The following CDH8 variants were observed in gnomAD, a reference collection of about 807,000 sequenced individuals.
CDH8 encodes the protein cadherin 8, also known as cadherin-8.
Under a neutral mutation model 68.1 loss-of-function variants are expected in CDH8, and 17 were observed. The ratio of observed to expected loss-of-function variants is 0.25; its 90% CI spans 0.17 to 0.37. The LOEUF is 0.37. Ranked by LOEUF, CDH8 falls within the 10% of genes least tolerant of loss-of-function variation. The pLI, the probability that CDH8 is intolerant of heterozygous loss-of-function variation, is 1.00. For missense variants in CDH8, 763 were observed against 999.3 expected (o/e 0.76, Z 3.19); for synonymous variants, 372 against 365.1 (o/e 1.02, Z -0.21).
intron 2 of CDH8, among the ~76,000 whole-genome samples, chr16:61,990,218 A>G (rs915643763): frequency 8.6e-5 from 13 of 151,734 alleles, no homozygotes; most frequent in African/African-American, 3.1e-4. Flanking sequence ...AACAGATTAG[A>G]GAAAGGGCCT....
chr16:61,964,585 C>T (rs890645414), intron 2 of CDH8, among the ~76,000 whole-genome samples: 4 of 151,838 alleles, frequency 2.6e-5, no homozygotes, highest in Non-Finnish European at 2.9e-5. Flanking sequence ...CAGGTTATTC[C>T]GGGACCTGCT....
chr16:61,808,843 C>T (rs1183091925), intron 7 of CDH8, among the ~76,000 whole-genome samples: 1 of 152,094 alleles, frequency 6.6e-6, no homozygotes, highest in Non-Finnish European at 1.5e-5. Context: ...ACAACAATTT[C>T]AACTCTGCAG....
intron 3 of CDH8, among the ~76,000 whole-genome samples, chr16:61,876,422 G>T (rs1013723500): frequency 3.3e-5 from 5 of 152,010 alleles, no homozygotes; most frequent in Admixed American, 2.6e-4. Context: ...TCTGGTTCTT[G>T]AAGTCAACTT....
chr16:61,878,909 T>C (rs1029930825), intron 3 of CDH8, among the ~76,000 whole-genome samples: 9 of 152,136 alleles, frequency 5.9e-5, no homozygotes, highest in African/African-American at 2.2e-4. Context: ...CTGCCCCACG[T>C]GAGTTTCCAT....
chr16:61,712,212 T>C (rs748683912), intron 10 of CDH8, among the ~76,000 whole-genome samples: 11 of 151,720 alleles, frequency 7.3e-5, no homozygotes, highest in Non-Finnish European at 1.3e-4. Flanking sequence ...AATTCATTTA[T>C]TGTAGAATTA....
chr16:61,783,997 G>C (rs1961162259), intron 8 of CDH8, among the ~76,000 whole-genome samples: 1 of 152,108 alleles, frequency 6.6e-6, no homozygotes, highest in Admixed American at 6.5e-5. Context: ...AAAATGTAAA[G>C]ACCATCGAGG....
rs559714467 is a variant in CDH8, at chr16:61,868,205, C to G, written c.548-10967G>C. ...CAAATCTGCCCTTTTAACTGCTACACAAACACTATAATGTTTCTGAATTTT... is the reference window on the plus strand; with the variant it reads ...CAAATCTGCCCTTTTAACTGCTACAGAAACACTATAATGTTTCTGAATTTT... On this transcript the variant is annotated intron_variant, in intron 3 of 11. Coordinates refer to ENST00000577390, the MANE Select transcript of CDH8 (RefSeq NM_001796.5). Among the ~76,000 whole-genome samples the G allele has an allele frequency of 2.6e-5, 4 of 152,290 alleles. No individual in the cohort carries two copies. The East Asian group carries it at 7.7e-4, about 29-fold the overall frequency.
chr16:61,890,447 C>T (rs775444520), intron 3 of CDH8, among the ~76,000 whole-genome samples: 15 of 152,086 alleles, frequency 9.9e-5, no homozygotes, highest in Non-Finnish European at 1.6e-4. Flanking sequence ...TAGTGCTGAG[C>T]CAATTCTTTA....
intron 8 of CDH8, among the ~76,000 whole-genome samples, chr16:61,763,789 T>C (rs1396599449): frequency 6.6e-6 from 1 of 152,068 alleles, no homozygotes; most frequent in Non-Finnish European, 1.5e-5. Context: ...GACTGGAAAA[T>C]GTTTCAAAGC....
chr16:61,865,807 C>A (rs1488276285), intron 3 of CDH8, among the ~76,000 whole-genome samples: 1 of 152,158 alleles, frequency 6.6e-6, no homozygotes, highest in Non-Finnish European at 1.5e-5. Flanking sequence ...CCTGTAAATG[C>A]TTGAGAACTA....
chr16:61,926,072 GAGTAGATA>G (rs1964451282), intron 2 of CDH8, among the ~76,000 whole-genome samples: 1 of 151,914 alleles, frequency 6.6e-6, no homozygotes, highest in Non-Finnish European at 1.5e-5. Context: ...CTGAGATTCA[GAGTAGATA>G]AGTAACCTGC....
chr16:61,825,350 AGAC>A (rs1567488155), intron 4 of CDH8, among the ~76,000 whole-genome samples, 171 bp from the exon 5 acceptor site: 1 of 151,946 alleles, frequency 6.6e-6, no homozygotes, highest in Non-Finnish European at 1.5e-5. Context: ...TCAATGAGAA[AGAC>A]TGTGGTCATA....
chr16:61,989,172 A>G (rs1025119037), intron 2 of CDH8, among the ~76,000 whole-genome samples: 4 of 152,208 alleles, frequency 2.6e-5, no homozygotes, highest in Non-Finnish European at 5.9e-5. Context: ...GGAGAAAGAT[A>G]AAATAGATAG....
chr16:62,012,805 AT>A (rs528704334), intron 2 of CDH8, among the ~76,000 whole-genome samples: 2 of 151,924 alleles, frequency 1.3e-5, no homozygotes, highest in Non-Finnish European at 2.9e-5. Flanking sequence ...TAACTCCTCA[AT>A]TTTTTTTAAG....
intron 10 of CDH8, among the ~76,000 whole-genome samples, chr16:61,675,824 T>C (rs930051541): frequency 2.6e-5 from 4 of 151,102 alleles, no homozygotes; most frequent in Non-Finnish European, 5.9e-5. Context: ...TAGTATAATA[T>C]TACTTGAAGT....
intron 2 of CDH8, among the ~76,000 whole-genome samples, chr16:62,008,393 G>C (rs1901722474): frequency 6.6e-6 from 1 of 152,154 alleles, no homozygotes; most frequent in Admixed American, 6.6e-5. Flanking sequence ...ATGATGGGGA[G>C]CTGGGAGAGT....
At chr16:61,897,282 TCGCACTGTCTCC>T (rs1963884409) in intron 3 of CDH8, among the ~76,000 whole-genome samples, 1 of 151,946 alleles carries the variant, frequency 6.6e-6, no homozygotes, top group African/African-American at 2.4e-5. Flanking sequence ...AGACGGAGTC[TCGCACTGTCTCC>T]CAGGCTGGAG....
chr16:61,678,274 T>A (rs934904663), intron 10 of CDH8, among the ~76,000 whole-genome samples: 8 of 152,006 alleles, frequency 5.3e-5, no homozygotes, highest in South Asian at 2.1e-4. Flanking sequence ...TGAGCACATG[T>A]TCTCAGAATC....
intron 9 of CDH8, among the ~76,000 whole-genome samples, chr16:61,718,510 G>GA (rs1959194983): frequency 6.6e-6 from 1 of 151,320 alleles, no homozygotes; most frequent in Admixed American, 6.6e-5. Context: ...TAAGGTGATA[G>GA]AAAGGGGGTG....
Sources: gnomAD v4.1 joint callset for allele counts (sites outside exome capture counted in the v4.1 genomes callset) on GRCh38, gnomAD v4.1.1 for gene constraint, MANE v1.5 for transcripts, NCBI Gene and HGNC (gene_info 2026-07-23, HGNC 2026-07-21) for gene names.